The following FNBP1L variants were observed in gnomAD, a reference collection of about 807,000 sequenced individuals.
FNBP1L encodes the protein formin-binding protein 1-like.
A neutral mutation model predicts 91.2 loss-of-function variants in FNBP1L; 36 were observed. The observed-to-expected ratio is 0.39, with a 90% CI of 0.30 to 0.52. The LOEUF (loss-of-function observed/expected upper bound fraction) is 0.52, where lower values mean the gene tolerates loss of function less well. FNBP1L is among the 20% of genes least tolerant of loss of function. The probability of loss-of-function intolerance (pLI) is 0.66; values close to 1 mark genes in which losing one functional copy is unlikely to be tolerated. For synonymous variants in FNBP1L, 242 were observed against 237.0 expected (o/e 1.02, Z -0.19); for missense variants, 571 against 732.1 (o/e 0.78, Z 2.54).
rs1186750075 is a variant in FNBP1L, at chr1:93,552,148, T to G, written c.1811-261T>G. On this transcript the variant is annotated intron_variant, in intron 16 of 16. Coordinates refer to ENST00000271234, the MANE Select transcript of FNBP1L (RefSeq NM_001164473.3). ...TTCCAATTAGTTTCAGCAAGCGTTG[T>G]TGGAAACACTGTGCAGTCAAGGATT... 2.5e-6 allele frequency: 3 copies of G among 1,210,634 alleles called. No individual in the cohort carries two copies. The African/African-American group carries it at 4.7e-5, about 19-fold the overall frequency. The allele number at this position is 1,210,634 out of a possible 1,614,324, so 75.0% of individuals were successfully genotyped here.
In FNBP1L at chr1:93,530,773, C is replaced by T. The variant is rs376515613; in HGVS notation, c.529C>T (p.Leu177=). The T allele has an allele frequency of 1.6e-4, 254 of 1,596,372 alleles. No homozygotes were observed. Among genetic ancestry groups the T allele is most frequent in the Non-Finnish European group, 2.1e-4 (249 of 1,170,904 alleles). ...CCCCTAGGCCAAACAGCAGTTGAAT[C>T]TGCGTACGCATATGGCCGATGAAAA... ...DVEKAKQQLN[L]RTHMADENKN... The change falls in exon 7 of 17, where the codon CTG becomes TTG. Residue 177 remains leucine, a synonymous_variant. Transcript: ENST00000271234.
intron 7 of FNBP1L, among the ~76,000 whole-genome samples, chr1:93,532,539 A>AG (rs953780808): frequency 6.6e-6 from 1 of 150,900 alleles, no homozygotes; most frequent in Non-Finnish European, 1.5e-5. Context: ...AAAAAAAAAA[A>AG]GCACCAGAAT....
chr1:93,514,126 A>G (rs1670975174), intron 2 of FNBP1L, among the ~76,000 whole-genome samples: 4 of 152,094 alleles, frequency 2.6e-5, no homozygotes, highest in Non-Finnish European at 5.9e-5. Flanking sequence ...TACACCAACA[A>G]CAGACAGAGA....
chr1:93,486,545 T>C lies in FNBP1L; in HGVS notation c.25-12923T>C, dbSNP rs1297044113. On this transcript the variant is annotated intron_variant, in intron 1 of 16. Transcript: ENST00000271234. ...CCTGTAAGGTAGGCAGCATAGGTGT[T>C]CTCATTTGACAGTTGAGGAATGTGA... is the stretch of plus-strand genomic sequence containing the variant. Among the ~76,000 whole-genome samples the C allele has an allele frequency of 2.0e-5, 3 of 152,288 alleles. No individual in the cohort carries two copies. In the East Asian group the frequency reaches 5.8e-4, roughly 29 times the overall value.
chr1:93,464,920 G>A (rs560415189), intron 1 of FNBP1L, among the ~76,000 whole-genome samples: 27 of 152,244 alleles, frequency 1.8e-4, no homozygotes, highest in African/African-American at 6.5e-4. Context: ...CCTTGGGGAT[G>A]ATACCAACCC....
rs1671334325 is a variant in FNBP1L at position 93,521,710 on chromosome 1, C to T, written c.141-372C>T. ...TTATAGCTCCATTGTTATTTACTTA[C>T]TTGAATATTTTTGACCCGTCGTTGA... On this transcript the variant is annotated intron_variant, in intron 2 of 16. Transcript: ENST00000271234. Among the ~76,000 whole-genome samples the T allele has an allele frequency of 2.0e-5, 3 of 152,196 alleles. No individual in the cohort carries two copies. In the South Asian group the frequency reaches 6.2e-4, roughly 31 times the overall value.
At chr1:93,453,086 T>C (rs1057234665) in intron 1 of FNBP1L, among the ~76,000 whole-genome samples, 5 of 152,210 alleles carry the variant, frequency 3.3e-5, no homozygotes, top group African/African-American at 1.2e-4. Flanking sequence ...ATTCTGGATA[T>C]TGTCTTATGG....
In FNBP1L at chr1:93,530,814, T is replaced by A. The variant is rs763702686; in HGVS notation, c.570T>A (p.Ala190=). ...CCGATGAAAATAAAAATGAATATGC[T>A]GCACAATTACAAAACTTTAATGGAG... ...HMADENKNEY[A]AQLQNFNGEQ... The change falls in exon 7 of 17, where the codon GCT becomes GCA. Residue 190 remains alanine (A), a synonymous_variant. Coordinates refer to ENST00000271234, the MANE Select transcript of FNBP1L (RefSeq NM_001164473.3). 1 of 1,574,352 alleles carries A rather than the reference T, an allele frequency of 6.4e-7. No individual in the cohort carries two copies. The highest frequency in any genetic ancestry group is 1.8e-5 in the Admixed American group (1 of 54,304).
chr1:93,471,741 A>G (rs1669295496), intron 1 of FNBP1L, among the ~76,000 whole-genome samples: 1 of 152,072 alleles, frequency 6.6e-6, no homozygotes, highest in Admixed American at 6.6e-5. Context: ...ATTTATCCTC[A>G]TTGTTTCTTG....
At chr1:93,549,465 G>T in intron 15 of FNBP1L, 39 bp downstream of exon 15, 1 of 1,471,252 alleles carries the variant, frequency 6.8e-7, no homozygotes, top group South Asian at 1.5e-5. Context: ...AAAAAAATTG[G>T]TTCTTTAAAA....
At position 93,514,189 on chromosome 1, in the gene FNBP1L, C is replaced by T. The variant is rs148848844; in HGVS notation, c.141-7893C>T. Reference sequence around the variant, plus strand: ...CAATTGCTTCAAAGGGAATAAAATACCTAGGAATCCAACTTAACAAGGGAT... The same window carrying T: ...CAATTGCTTCAAAGGGAATAAAATATCTAGGAATCCAACTTAACAAGGGAT... On this transcript the variant is annotated intron_variant, in intron 2 of 16. Coordinates refer to ENST00000271234, the MANE Select transcript of FNBP1L (RefSeq NM_001164473.3). 3.9e-3 allele frequency among the ~76,000 whole-genome samples: 593 copies of T among 152,274 alleles called. 9 individuals carry two copies. Among genetic ancestry groups the T allele is most frequent in the African/African-American group, 0.013 (558 of 41,526 alleles).
At chr1:93,462,933 AT>A in intron 1 of FNBP1L, among the ~76,000 whole-genome samples, 1 of 152,212 alleles carries the variant, frequency 6.6e-6, no homozygotes, top group South Asian at 2.1e-4. Context: ...TACATAATTT[AT>A]TTAGAGTTCT....
intron 1 of FNBP1L, among the ~76,000 whole-genome samples, chr1:93,459,977 G>GTGTGTGTGTT (rs1553207644): frequency 3.9e-5 from 5 of 128,268 alleles, no homozygotes; most frequent in African/African-American, 5.1e-5. Flanking sequence ...GTGTGTGTGT[G>GTGTGTGTGTT]TTTTTGGGAT....
At chr1:93,501,135 G>A (rs1670429914) in intron 2 of FNBP1L, among the ~76,000 whole-genome samples, 1 of 152,076 alleles carries the variant, frequency 6.6e-6, no homozygotes, top group Non-Finnish European at 1.5e-5. Flanking sequence ...TAAATTCTCA[G>A]ATTTCTATTG....
intron 1 of FNBP1L, among the ~76,000 whole-genome samples, chr1:93,456,803 G>A (rs942944371): frequency 6.6e-6 from 1 of 151,804 alleles, no homozygotes; most frequent in Non-Finnish European, 1.5e-5. Flanking sequence ...CGTTGCTTTT[G>A]GGGGAGTATT....
rs563047270 is a variant in FNBP1L at position 93,554,091 on chromosome 1, A to G, written c.*1675A>G. 6.5e-6 allele frequency: 1 copy of G among 152,800 alleles called. No individual in the cohort carries two copies. The highest frequency in any genetic ancestry group is 2.4e-5 in the African/African-American group (1 of 41,592). 9.5% of individuals were successfully genotyped at this position (152,800 alleles called of 1,614,324 possible). On this transcript the variant is annotated 3_prime_UTR_variant, in exon 17 of 17. Transcript: ENST00000271234. ...CTGTTACACAGCTGACATATAGTGT[A>G]TTACCTTTGCAGCTAGTAAACTATA...
At position 93,499,725 on chromosome 1, in the gene FNBP1L, GATTA is replaced by G; in HGVS notation, c.140+148_140+151del. The G allele has an allele frequency of 8.5e-6, 5 of 586,878 alleles. No individual in the cohort carries two copies. In the East Asian group the frequency reaches 8.9e-5, roughly 10 times the overall value. The allele number at this position is 586,878 out of a possible 1,614,324, so 36.4% of individuals were successfully genotyped here. ...AATTAGGTAACCGGTTTGTTTTAAT[GATTA>G]ATTAAGTCATTGGCTAGTACAGTAC... On this transcript the variant is annotated intron_variant, in intron 2 of 16. Transcript: ENST00000271234.
rs564457778 is a variant in FNBP1L at position 93,499,685 on chromosome 1, A to G, written c.140+102A>G. On this transcript the variant is annotated intron_variant, in intron 2 of 16. Transcript: ENST00000271234. ...CCAGAGGTTAAATTCTATGTTTTTC[A>G]TCAGAATTAGATTGAATTAGGTAAC... The G allele has an allele frequency of 1.8e-5, 13 of 713,342 alleles. No homozygotes were observed. The African/African-American group carries it at 1.8e-4, about 10-fold the overall frequency. The allele number at this position is 713,342 out of a possible 1,614,324, so 44.2% of individuals were successfully genotyped here.
chr1:93,460,314 G>A (rs1668819717), intron 1 of FNBP1L, among the ~76,000 whole-genome samples: 1 of 152,190 alleles, frequency 6.6e-6, no homozygotes, highest in African/African-American at 2.4e-5. Context: ...TGTCTTGGAA[G>A]CAGAGAGCAG....
Sources: allele counts gnomAD v4.1 joint callset (sites outside exome capture counted in the v4.1 genomes callset), GRCh38; gene constraint gnomAD v4.1.1; transcripts MANE v1.5; gene names NCBI Gene and HGNC (gene_info 2026-07-23, HGNC 2026-07-21).